The following MAGI2 variants were observed in gnomAD, a reference collection of about 807,000 sequenced individuals.
MAGI2 encodes the protein membrane associated guanylate kinase, WW and PDZ domain containing 2, also known as membrane-associated guanylate kinase, WW and PDZ domain-containing protein 2.
A neutral mutation model predicts 133.3 loss-of-function variants in MAGI2; 35 were observed. The ratio of observed to expected loss-of-function variants is 0.26; its 90% CI spans 0.20 to 0.35. The LOEUF (loss-of-function observed/expected upper bound fraction) is 0.35. Among genes scored for constraint, MAGI2 ranks in the 10% least tolerant of loss-of-function variants. MAGI2 has a pLI of 1.00. For missense variants in MAGI2, 1,636 were observed against 1,863.4 expected, an observed-to-expected ratio of 0.88 and a Z score of 2.25; for synonymous variants, 729 against 710.6, an observed-to-expected ratio of 1.03 and a Z score of -0.41.
At chr7:79,192,369 A>G (rs1827747856) in intron 1 of MAGI2, among the ~76,000 whole-genome samples, 1 of 147,684 alleles carries the variant, frequency 6.8e-6, no homozygotes, top group African/African-American at 2.4e-5. Context: ...GAAATACTTT[A>G]ATAAATAAAT....
chr7:79,209,025 G>A (rs1219459173), intron 1 of MAGI2, among the ~76,000 whole-genome samples: 2 of 151,880 alleles, frequency 1.3e-5, no homozygotes, highest in African/African-American at 4.8e-5. Flanking sequence ...TGGGGTGGTC[G>A]TCGGGGCAGG....
chr7:78,285,500 A>G (rs1486082012), intron 9 of MAGI2, among the ~76,000 whole-genome samples: 1 of 152,084 alleles, frequency 6.6e-6, no homozygotes, highest in South Asian at 2.1e-4. Flanking sequence ...TGAAACCCTT[A>G]ATACAAATTA....
intron 7 of MAGI2, among the ~76,000 whole-genome samples, chr7:78,361,288 G>T (rs548224663): frequency 1.8e-4 from 27 of 152,086 alleles, no homozygotes; most frequent in Middle Eastern, 3.4e-3. Context: ...CAGCTACTTG[G>T]GGGGCTGAGG....
intron 3 of MAGI2, among the ~76,000 whole-genome samples, chr7:78,611,470 A>C (rs1434000134): frequency 1.3e-5 from 2 of 152,212 alleles, no homozygotes; most frequent in Admixed American, 6.5e-5. Context: ...CCTCTATTAC[A>C]TACTCAAATA....
intron 3 of MAGI2, among the ~76,000 whole-genome samples, chr7:78,582,395 T>C (rs1802928952): frequency 6.6e-6 from 1 of 152,316 alleles, no homozygotes; most frequent in East Asian, 1.9e-4. Flanking sequence ...AAAATTGTTA[T>C]GCAATATAAA....
intron 1 of MAGI2, among the ~76,000 whole-genome samples, chr7:79,383,209 G>T (rs2129144308): frequency 6.6e-6 from 1 of 151,612 alleles, no homozygotes; most frequent in South Asian, 2.1e-4. Context: ...GCCTATAATG[G>T]GATTGGGAAG....
At position 78,061,101 on chromosome 7, in the gene MAGI2, T is replaced by A. The variant is rs59530294; in HGVS notation, c.3706+17846A>T. 8.8e-3 allele frequency among the ~76,000 whole-genome samples: 1,324 copies of A among 150,732 alleles called. 11 individuals are homozygous for A. Among genetic ancestry groups the A allele is most frequent in the African/African-American group, 0.031 (1,257 of 40,924 alleles). On this transcript the variant is annotated intron_variant, in intron 21 of 21. Transcript: ENST00000354212. ...ATTGCCTGAACCCAGAAGGCAGAGA[T>A]TCCCCTGAGCCGAGATTGTGCCACT...
intron 1 of MAGI2, among the ~76,000 whole-genome samples, chr7:79,416,263 A>T (rs1447219467): frequency 6.6e-6 from 1 of 152,064 alleles, no homozygotes; most frequent in Non-Finnish European, 1.5e-5. Flanking sequence ...TCTAAAAGTG[A>T]GGGAGGGTAA....
intron 3 of MAGI2, among the ~76,000 whole-genome samples, chr7:78,623,288 A>C (rs1484743747): frequency 6.7e-6 from 1 of 149,452 alleles, no homozygotes; most frequent in Non-Finnish European, 1.5e-5. Flanking sequence ...TCATTCTTAC[A>C]TAAGTGATAT....
At chr7:78,973,945 T>G (rs1390152421) in intron 2 of MAGI2, among the ~76,000 whole-genome samples, 3 of 151,802 alleles carry the variant, frequency 2.0e-5, no homozygotes, top group Non-Finnish European at 4.4e-5. Flanking sequence ...CTTGTGGGAA[T>G]CACACTACCA....
chr7:78,578,872 C>T (rs952709901), intron 3 of MAGI2, among the ~76,000 whole-genome samples: 1 of 152,208 alleles, frequency 6.6e-6, no homozygotes, highest in African/African-American at 2.4e-5. Flanking sequence ...TTCAAAGAAA[C>T]TTCTCCTTTC....
intron 6 of MAGI2, among the ~76,000 whole-genome samples, chr7:78,452,156 T>C (rs965332659): frequency 6.6e-6 from 1 of 152,084 alleles, no homozygotes; most frequent in Non-Finnish European, 1.5e-5. Flanking sequence ...ACAAAAACTC[T>C]ATGAGGTATT....
At chr7:78,458,055 T>C (rs991445215) in intron 6 of MAGI2, among the ~76,000 whole-genome samples, 1 of 151,760 alleles carries the variant, frequency 6.6e-6, no homozygotes, top group Admixed American at 6.6e-5. Flanking sequence ...CCCAGCACTT[T>C]GGGAGGCTAA....
chr7:78,343,864 A>G lies in MAGI2; in HGVS notation c.1322T>C (p.Ile441Thr). The G allele has an allele frequency of 6.2e-7, 1 of 1,613,598 alleles. No homozygotes were observed. Among genetic ancestry groups the G allele is most frequent in the South Asian group, 1.1e-5 (1 of 90,966 alleles). The stretch of plus-strand genomic sequence containing the variant: ...AAACTCATCAGGCTCGTCTCCACCA[A>G]TGATGGTAAATCCAAAGCCCATGTT... The part of the protein sequence containing the change: ...KSNMGFGFTI[I>T]GGDEPDEFLQ... Residue 441 changes from isoleucine (I) to threonine (T), a missense_variant, in exon 9 of 22, where the codon ATT (isoleucine) becomes ACT (threonine). By Grantham distance (89) the Ile-to-Thr change is moderately conservative (BLOSUM62 -1). Coordinates refer to ENST00000354212, the MANE Select transcript of MAGI2 (RefSeq NM_012301.4).
intron 6 of MAGI2, among the ~76,000 whole-genome samples, chr7:78,428,716 T>C (rs867582546): frequency 6.6e-6 from 1 of 152,156 alleles, no homozygotes; most frequent in Non-Finnish European, 1.5e-5. Flanking sequence ...TCACCTTCCA[T>C]TGGAATTACC....
At chr7:79,449,412 C>G (rs1318251160) in intron 1 of MAGI2, among the ~76,000 whole-genome samples, 1 of 148,892 alleles carries the variant, frequency 6.7e-6, no homozygotes, top group Non-Finnish European at 1.5e-5. Context: ...GAAAATAAGT[C>G]CAGGTTATGT....
chr7:78,780,669 C>T (rs1291676266), intron 2 of MAGI2, among the ~76,000 whole-genome samples: 1 of 152,140 alleles, frequency 6.6e-6, no homozygotes, highest in Non-Finnish European at 1.5e-5. Flanking sequence ...TCAAGATTTC[C>T]TATGAGATGT....
intron 9 of MAGI2, among the ~76,000 whole-genome samples, chr7:78,288,948 T>C (rs560010244): frequency 1.2e-3 from 178 of 152,238 alleles, no homozygotes; most frequent in African/African-American, 4.0e-3. Flanking sequence ...ACCCCATCTG[T>C]ACGTCACCAT....
intron 6 of MAGI2, among the ~76,000 whole-genome samples, chr7:78,464,653 A>C (rs894529954): frequency 1.3e-5 from 2 of 152,134 alleles, no homozygotes; most frequent in African/African-American, 4.8e-5. Context: ...GTTATTCTAC[A>C]TATTAATGAC....
Sources: allele counts gnomAD v4.1 joint callset (sites outside exome capture counted in the v4.1 genomes callset), GRCh38; gene constraint gnomAD v4.1.1; transcripts MANE v1.5; gene names NCBI Gene and HGNC (gene_info 2026-07-23, HGNC 2026-07-21).